The following FRMPD1 variants were observed in gnomAD, a reference collection of about 807,000 sequenced individuals.
The protein encoded by FRMPD1 is FERM and PDZ domain containing 1, also known as FERM and PDZ domain-containing protein 1.
Under a neutral mutation model 117.8 loss-of-function variants are expected in FRMPD1, and 76 were observed. That is an observed-to-expected ratio of 0.65 (90% CI 0.54 to 0.78). The LOEUF (loss-of-function observed/expected upper bound fraction) is 0.78, where lower values mean the gene tolerates loss of function less well. Among genes scored for constraint, FRMPD1 ranks in the 30% least tolerant of loss-of-function variants. The pLI is 0.00. For synonymous variants in FRMPD1, 783 were observed against 770.4 expected, an observed-to-expected ratio of 1.02 and a Z score of -0.27; for missense variants, 1,786 against 1,964.5, an observed-to-expected ratio of 0.91 and a Z score of 1.72.
chr9:37,736,837 G>A (rs1824150791), intron 13 of FRMPD1, among the ~76,000 whole-genome samples: 1 of 150,896 alleles, frequency 6.6e-6, no homozygotes. Context: ...CTGTGTGTGA[G>A]TGAGTGTGTG....
rs1824650089 is a variant in FRMPD1 at position 37,745,400 on chromosome 9, A to G, written c.3368A>G (p.Asn1123Ser). Residue 1123 changes from asparagine to serine, a missense_variant, in exon 16 of 16, where the codon AAC (asparagine) becomes AGC (serine). Physicochemically the swap from Asn to Ser is conservative, Grantham distance 46. Transcript: ENST00000377765. ...DREVTNKNGTNVFQEESRKDS... is the reference protein window; with the variant it reads ...DREVTNKNGTSVFQEESRKDS... ...GAAGTTACAAACAAAAATGGCACCA[A>G]CGTATTTCAGGAGGAGTCTAGGAAG... is the stretch of plus-strand genomic sequence containing the variant. The G allele has an allele frequency of 6.2e-7, 1 of 1,614,156 alleles. No homozygotes were observed. Among genetic ancestry groups the G allele is most frequent in the African/African-American group, 1.3e-5 (1 of 75,036 alleles).
In FRMPD1 at chr9:37,708,385, T is replaced by C. The variant is rs1822790024; in HGVS notation, c.260-14T>C. 1.9e-6 allele frequency: 3 copies of C among 1,549,016 alleles called. No individual in the cohort carries two copies. The highest frequency in any genetic ancestry group is 2.7e-6 in the Non-Finnish European group (3 of 1,121,400). ...CCCGGCATGAGCACCAATTACTTAT[T>C]TTCTGTCCAACAGGAGGCTCTGCTC... On this transcript the variant is annotated splice_polypyrimidine_tract_variant and intron_variant, in intron 3 of 15. Transcript: ENST00000377765.
chr9:37,666,967 C>T (rs1588910610), intron 1 of FRMPD1, among the ~76,000 whole-genome samples: 1 of 151,896 alleles, frequency 6.6e-6, no homozygotes, highest in Non-Finnish European at 1.5e-5. Context: ...CATCAGTGCC[C>T]ATACCATCTT....
chr9:37,622,652 G>A, the FRMPD1 span, among the ~76,000 whole-genome samples: 9 of 152,188 alleles, frequency 5.9e-5, no homozygotes, highest in Admixed American at 5.2e-4. Context: ...GCTGTCCTCG[G>A]ATTAATGCCA....
chr9:37,700,127 T>A (rs1822481465), intron 2 of FRMPD1, among the ~76,000 whole-genome samples: 1 of 152,212 alleles, frequency 6.6e-6, no homozygotes, highest in Non-Finnish European at 1.5e-5. Flanking sequence ...TTTTATTGTG[T>A]CTTGACCCAT....
At chr9:37,676,526 G>A (rs1457251991) in intron 1 of FRMPD1, among the ~76,000 whole-genome samples, 4 of 152,126 alleles carry the variant, frequency 2.6e-5, no homozygotes, top group African/African-American at 4.8e-5. Flanking sequence ...AGCTGTTGGT[G>A]CCACTCCTAC....
intron 1 of FRMPD1, among the ~76,000 whole-genome samples, chr9:37,684,493 T>C (rs1821852203): frequency 6.6e-6 from 1 of 152,184 alleles, no homozygotes; most frequent in Non-Finnish European, 1.5e-5. Context: ...CACTGGGGGA[T>C]TTTTGAAAAT....
At chr9:37,643,864 G>A in the FRMPD1 span, among the ~76,000 whole-genome samples, 1 of 152,142 alleles carries the variant, frequency 6.6e-6, no homozygotes, top group African/African-American at 2.4e-5. Context: ...GAGGTGAGGT[G>A]GAAGAAGCTT....
At position 37,729,790 on chromosome 9, in the gene FRMPD1, C is replaced by T; in HGVS notation, c.675C>T (p.Ala225=). ...SIRSIEYFAL[A]LEEQYSISRL... ...GAAGTATCGAGTACTTTGCACTGGC[C>T]CTGGAAGAGCAGTACAGCATCTCCC... The change falls in exon 8 of 16, where the codon GCC becomes GCT. Residue 225 remains alanine, a synonymous_variant. Coordinates refer to ENST00000377765, the MANE Select transcript of FRMPD1 (RefSeq NM_014907.3). 1 of 1,613,866 alleles carries T rather than the reference C, an allele frequency of 6.2e-7. No individual in the cohort carries two copies. Among genetic ancestry groups the T allele is most frequent in the Non-Finnish European group, 8.5e-7 (1 of 1,179,802 alleles).
intron 6 of FRMPD1, 109 bp from the exon 7 acceptor site, chr9:37,724,116 G>C (rs1380171575): frequency 5.7e-6 from 3 of 524,672 alleles, no homozygotes; most frequent in Non-Finnish European, 6.9e-6. Context: ...CAGAGGTTGA[G>C]TGAGCCGAGA....
intron 1 of FRMPD1, among the ~76,000 whole-genome samples, chr9:37,662,656 T>C (rs1376266938): frequency 6.6e-6 from 1 of 152,172 alleles, no homozygotes; most frequent in Non-Finnish European, 1.5e-5. Flanking sequence ...GGAGACCAGG[T>C]CTTCCCAGGT....
At chr9:37,625,963 C>T in the FRMPD1 span, among the ~76,000 whole-genome samples, 2 of 152,260 alleles carry the variant, frequency 1.3e-5, no homozygotes, top group Non-Finnish European at 2.9e-5. Flanking sequence ...CGGCTCACGC[C>T]TGTAGTCCCA....
chr9:37,638,882 C>G, the FRMPD1 span, among the ~76,000 whole-genome samples: 1 of 152,196 alleles, frequency 6.6e-6, no homozygotes, highest in Non-Finnish European at 1.5e-5. Flanking sequence ...CCAGCTCTCT[C>G]CTCTCAAAGT....
At chr9:37,659,319 C>T (rs888759895) in intron 1 of FRMPD1, among the ~76,000 whole-genome samples, 3 of 152,230 alleles carry the variant, frequency 2.0e-5, no homozygotes, top group South Asian at 2.1e-4. Context: ...TCTGTCTCCT[C>T]CTTCCTTCAG....
At chr9:37,611,833 C>T in the FRMPD1 span, among the ~76,000 whole-genome samples, 1 of 151,976 alleles carries the variant, frequency 6.6e-6, no homozygotes, top group Admixed American at 6.5e-5. Context: ...TGTCTATCTT[C>T]TGTATTCTTT....
upstream of FRMPD1, among the ~76,000 whole-genome samples, chr9:37,650,758 G>A (rs955499309): frequency 6.6e-6 from 1 of 151,840 alleles, no homozygotes; most frequent in Non-Finnish European, 1.5e-5. Flanking sequence ...GGCCCGGGTG[G>A]GAGCGGGACC....
chr9:37,679,607 T>C (rs975572390), intron 1 of FRMPD1, among the ~76,000 whole-genome samples: 1 of 152,216 alleles, frequency 6.6e-6, no homozygotes, highest in Non-Finnish European at 1.5e-5. Context: ...TTCATATGAA[T>C]GGGATCATAG....
intron 14 of FRMPD1, among the ~76,000 whole-genome samples, chr9:37,737,795 C>A (rs1213043470): frequency 6.8e-6 from 1 of 148,072 alleles, no homozygotes; most frequent in Non-Finnish European, 1.5e-5. Context: ...TGCACTCCAG[C>A]CTGGGCAACA....
chr9:37,624,224 G>A, the FRMPD1 span, among the ~76,000 whole-genome samples: 3 of 152,238 alleles, frequency 2.0e-5, no homozygotes, highest in East Asian at 5.8e-4. Context: ...AGCAGGAAAA[G>A]AACTAGCCCT....
Sources: allele counts gnomAD v4.1 joint callset (sites outside exome capture counted in the v4.1 genomes callset), GRCh38; gene constraint gnomAD v4.1.1; transcripts MANE v1.5; gene names NCBI Gene and HGNC (gene_info 2026-07-23, HGNC 2026-07-21).